The following LINGO2 variants were observed in gnomAD, a reference collection of about 807,000 sequenced individuals.
LINGO2 encodes the protein leucine-rich repeat and immunoglobulin-like domain-containing nogo receptor-interacting protein 2.
Under a neutral mutation model 30.6 loss-of-function variants are expected in LINGO2, and 14 were observed. The observed-to-expected ratio is 0.46, with a 90% CI of 0.30 to 0.72. The LOEUF (loss-of-function observed/expected upper bound fraction) is 0.72. Ranked by LOEUF, LINGO2 falls within the 30% of genes least tolerant of loss-of-function variation. The pLI, the probability that LINGO2 is intolerant of heterozygous loss-of-function variation, is 0.07. For synonymous variants in LINGO2, 317 were observed against 288.5 expected (o/e 1.10, Z -1.00); for missense variants, 729 against 751.7 (o/e 0.97, Z 0.35).
At chr9:28,598,165 C>A (rs1270824522) in intron 1 of LINGO2, among the ~76,000 whole-genome samples, 1 of 152,186 alleles carries the variant, frequency 6.6e-6, no homozygotes, top group Middle Eastern at 3.4e-3. Flanking sequence ...TGAGAGTTAT[C>A]ACACTTAATT....
At chr9:28,054,939 A>G (rs1824853053) in intron 4 of LINGO2, among the ~76,000 whole-genome samples, 1 of 152,004 alleles carries the variant, frequency 6.6e-6, no homozygotes, top group South Asian at 2.1e-4. Flanking sequence ...CTACAAAGCT[A>G]CAGTCTTCTT....
At chr9:28,120,216 A>C (rs1039613651) in intron 4 of LINGO2, among the ~76,000 whole-genome samples, 15 of 152,210 alleles carry the variant, frequency 9.9e-5, no homozygotes, top group African/African-American at 3.4e-4. Context: ...TGGGAAAACC[A>C]ATCTAAGGTA....
At chr9:28,756,893 C>G in the LINGO2 span, among the ~76,000 whole-genome samples, 1 of 151,426 alleles carries the variant, frequency 6.6e-6, no homozygotes, top group African/African-American at 2.4e-5. Flanking sequence ...ATAACCTAGT[C>G]TTAGGCAGAT....
intron 1 of LINGO2, among the ~76,000 whole-genome samples, chr9:28,656,338 AT>A (rs1828336494): frequency 6.6e-6 from 1 of 152,112 alleles, no homozygotes; most frequent in South Asian, 2.1e-4. Flanking sequence ...CATCATATTA[AT>A]TACAAAGAAA....
intron 4 of LINGO2, among the ~76,000 whole-genome samples, chr9:28,186,658 A>G (rs966554211): frequency 4.3e-4 from 66 of 152,248 alleles, no homozygotes; most frequent in African/African-American, 1.5e-3. Context: ...TTAAGAATCA[A>G]AAAATGTGAA....
chr9:28,575,169 C>T (rs931214917), intron 1 of LINGO2, among the ~76,000 whole-genome samples: 5 of 151,972 alleles, frequency 3.3e-5, no homozygotes, highest in East Asian at 1.9e-4. Context: ...TTTGGGAGGC[C>T]GAGGCAGGTG....
At chr9:28,529,589 G>A (rs1183644031) in intron 1 of LINGO2, among the ~76,000 whole-genome samples, 1 of 148,494 alleles carries the variant, frequency 6.7e-6, no homozygotes, top group African/African-American at 2.5e-5. Context: ...ATTAAGACCA[G>A]TTGCAAATTG....
At chr9:27,989,037 C>G (rs1472448897) in intron 5 of LINGO2, among the ~76,000 whole-genome samples, 1 of 151,942 alleles carries the variant, frequency 6.6e-6, no homozygotes, top group Non-Finnish European at 1.5e-5. Context: ...CCAACCTGAG[C>G]CTTCTATTTC....
chr9:29,063,668 T>C, the LINGO2 span, among the ~76,000 whole-genome samples: 274 of 152,216 alleles, frequency 1.8e-3, 1 homozygote, highest in African/African-American at 6.3e-3. Flanking sequence ...TGAAAGTGTA[T>C]GGATTACAGG....
At position 28,248,374 on chromosome 9, in the gene LINGO2, T is replaced by C. The variant is rs571322721; in HGVS notation, c.-87+46834A>G. ...CAGACACAGAAAGAGAAACTATGCA[T>C]GTTTTTACTCATTTGTGAGATCTAA... is the stretch of plus-strand genomic sequence containing the variant. On this transcript the variant is annotated intron_variant, in intron 4 of 5. Transcript: ENST00000379992. 5.3e-5 allele frequency among the ~76,000 whole-genome samples: 8 copies of C among 152,314 alleles called. 1 individual carries two copies. The East Asian group carries it at 1.4e-3, about 26-fold the overall frequency.
chr9:28,857,828 A>T, the LINGO2 span, among the ~76,000 whole-genome samples: 1 of 152,086 alleles, frequency 6.6e-6, no homozygotes, highest in Non-Finnish European at 1.5e-5. Flanking sequence ...TGATTGTTGA[A>T]AATATATTTT....
chr9:28,628,634 C>G (rs1826794815), intron 1 of LINGO2, among the ~76,000 whole-genome samples: 1 of 152,032 alleles, frequency 6.6e-6, no homozygotes, highest in Non-Finnish European at 1.5e-5. Flanking sequence ...TATTTAATGA[C>G]AGAATGATAA....
exon 6 of LINGO2, chr9:27,948,638 T>C (rs944716990): frequency 1.8e-6 from 1 of 546,346 alleles, no homozygotes; most frequent in Non-Finnish European, 3.2e-6. Flanking sequence ...CGCAAACACT[T>C]AGTATCCCAC....
the LINGO2 span, among the ~76,000 whole-genome samples, chr9:28,740,025 GTTGT>G: frequency 6.6e-6 from 1 of 151,080 alleles, no homozygotes; most frequent in Non-Finnish European, 1.5e-5. Context: ...TTAGGAGTGT[GTTGT>G]TTAATTTCTA....
chr9:29,189,221 G>A, the LINGO2 span, among the ~76,000 whole-genome samples: 2 of 150,374 alleles, frequency 1.3e-5, no homozygotes, highest in Non-Finnish European at 3.0e-5. Context: ...AGGGGCGGCC[G>A]GGCAGAGGAG....
chr9:29,022,854 C>T, the LINGO2 span, among the ~76,000 whole-genome samples: 3 of 152,032 alleles, frequency 2.0e-5, no homozygotes, highest in Non-Finnish European at 4.4e-5. Context: ...CCTTCTCTTG[C>T]TAACTGTGCT....
the LINGO2 span, among the ~76,000 whole-genome samples, chr9:28,988,271 T>C: frequency 6.6e-6 from 1 of 152,228 alleles, no homozygotes; most frequent in South Asian, 2.1e-4. Context: ...CATCTTTTCA[T>C]ACAATATAAT....
chr9:28,304,387 T>C (rs1345310118), intron 3 of LINGO2, among the ~76,000 whole-genome samples: 5 of 151,578 alleles, frequency 3.3e-5, no homozygotes, highest in Admixed American at 2.0e-4. Context: ...GATATGTATA[T>C]ATATGTAATT....
the LINGO2 span, among the ~76,000 whole-genome samples, chr9:28,945,475 T>C: frequency 6.6e-6 from 1 of 152,196 alleles, no homozygotes; most frequent in Non-Finnish European, 1.5e-5. Context: ...CATTCTTACC[T>C]ATCTCTCTTA....
Sources: allele counts gnomAD v4.1 joint callset (sites outside exome capture counted in the v4.1 genomes callset), GRCh38; gene constraint gnomAD v4.1.1; transcripts MANE v1.5; gene names NCBI Gene and HGNC (gene_info 2026-07-23, HGNC 2026-07-21).